USP4: variants seen among roughly 807,000 people sequenced by gnomAD.
USP4 encodes the protein ubiquitin specific peptidase 4, also known as ubiquitin carboxyl-terminal hydrolase 4.
Under a neutral mutation model 118.2 loss-of-function variants are expected in USP4, and 72 were observed. That is an observed-to-expected ratio of 0.61 (90% confidence interval 0.50 to 0.74). The LOEUF is 0.74. Ranked by LOEUF, USP4 falls within the 30% of genes least tolerant of loss-of-function variation. The probability of loss-of-function intolerance (pLI) is 0.00; values close to 1 mark genes in which losing one functional copy is unlikely to be tolerated. For synonymous variants in USP4, 415 were observed against 440.4 expected (o/e 0.94, Z 0.72); for missense variants, 1,037 against 1,185.7 (o/e 0.87, Z 1.84).
Position 49,294,402 on chromosome 3 carries a change from C to T in USP4, c.1883+5G>A, listed in dbSNP as rs2047181691. On this transcript the variant is annotated splice_donor_5th_base_variant and intron_variant, in intron 14 of 21. Transcript: ENST00000265560. ...TAACAACCAAATCACATTCCTGCCA[C>T]CAACCTGATACGATCACAAACAGCC... The T allele has an allele frequency of 6.2e-7, 1 of 1,608,642 alleles. No individual in the cohort carries two copies. The highest frequency in any genetic ancestry group is 1.3e-5 in the African/African-American group (1 of 74,780).
chr3:49,282,754 C>G (rs1183039785), intron 19 of USP4, among the ~76,000 whole-genome samples: 1 of 151,708 alleles, frequency 6.6e-6, no homozygotes. Flanking sequence ...GTTGCTGAGG[C>G]TGGAGTGCAG....
intron 6 of USP4, 46 bp from the exon 7 acceptor site, chr3:49,311,700 G>A (rs560082354): frequency 6.2e-7 from 1 of 1,607,258 alleles, no homozygotes; most frequent in South Asian, 1.1e-5. Context: ...TTTGCAAAGA[G>A]CAAGCCCTAT....
chr3:49,325,626 A>T, intron 4 of USP4, 93 bp downstream of exon 4: 1 of 1,530,812 alleles, frequency 6.5e-7, no homozygotes, highest in Non-Finnish European at 8.9e-7. Context: ...AAATCTAAAG[A>T]GGGCATATAA....
In USP4 at chr3:49,299,335, G is replaced by A. The variant is rs549980200; in HGVS notation, c.1513-700C>T. 2.8e-3 allele frequency among the ~76,000 whole-genome samples: 420 copies of A among 151,696 alleles called. 3 individuals are homozygous for A. Among genetic ancestry groups the A allele is most frequent in the African/African-American group, 9.3e-3 (386 of 41,350 alleles). On this transcript the variant is annotated intron_variant, in intron 11 of 21. Transcript: ENST00000265560. ...GAACTCCTGACCTCGTGATCTGCCC[G>A]CCTCGGCCTCCTGAAGTGCTGGGAT...
At chr3:49,323,515 G>C (rs1226563644) in intron 6 of USP4, among the ~76,000 whole-genome samples, 1 of 152,136 alleles carries the variant, frequency 6.6e-6, no homozygotes, top group Non-Finnish European at 1.5e-5. Flanking sequence ...TGGGAATTAG[G>C]ATATGGATAT....
At chr3:49,288,656 C>G (rs1377553546) in intron 15 of USP4, among the ~76,000 whole-genome samples, 1 of 151,526 alleles carries the variant, frequency 6.6e-6, no homozygotes, top group Non-Finnish European at 1.5e-5. Flanking sequence ...GCCTGGGCAA[C>G]AAGAGCAAAA....
chr3:49,290,726 G>A (rs2047142680), intron 15 of USP4, among the ~76,000 whole-genome samples: 1 of 152,178 alleles, frequency 6.6e-6, no homozygotes, highest in Admixed American at 6.5e-5. Context: ...TGTTGGCCAG[G>A]CTAGTCTCGA....
At chr3:49,337,721 G>C (rs1370707104) in intron 1 of USP4, among the ~76,000 whole-genome samples, 1 of 151,780 alleles carries the variant, frequency 6.6e-6, no homozygotes. Flanking sequence ...ACAGGCATGA[G>C]CCACTGCACC....
At chr3:49,312,748 C>G (rs766099036) in intron 6 of USP4, 4 of 260,050 alleles carry the variant, frequency 1.5e-5, no homozygotes, top group Non-Finnish European at 2.3e-5. Flanking sequence ...GAGCCGAGAT[C>G]GTGCCACTGC....
chr3:49,297,740 C>T (rs2047224500), intron 13 of USP4, 130 bp downstream of exon 13: 3 of 706,144 alleles, frequency 4.2e-6, no homozygotes, highest in Middle Eastern at 2.4e-4. Context: ...CCATCTCTTG[C>T]ACCCAGGGGT....
At chr3:49,304,832 C>T (rs1337504805) in intron 9 of USP4, among the ~76,000 whole-genome samples, 3 of 151,764 alleles carry the variant, frequency 2.0e-5, no homozygotes, top group East Asian at 3.9e-4. Context: ...GGCGTGATCT[C>T]GGCTCACTGC....
Position 49,292,554 on chromosome 3 carries a change from G to C in USP4, c.1928C>G (p.Pro643Arg). ...QPLPDEFGSS[P>R]LEPGACNGSR... Reference sequence around the variant, plus strand: ...GCCATTGCAGGCCCCTGGCTCCAAGGGTGAGCTGCCAAACTCATCAGGTAA... The same window carrying C: ...GCCATTGCAGGCCCCTGGCTCCAAGCGTGAGCTGCCAAACTCATCAGGTAA... The change falls in exon 15 of 22, where the codon CCC (proline) becomes CGC (arginine). Residue 643 changes from proline to arginine, a missense_variant. By Grantham distance (103) the Pro-to-Arg change is moderately radical (BLOSUM62 -2). This residue lies in a region of USP4 where 522 missense variants were observed against 592.6 expected (regional missense o/e 0.88). Transcript: ENST00000265560. 3 of 1,601,266 alleles carry C rather than the reference G, an allele frequency of 1.9e-6. No individual in the cohort carries two copies. Among genetic ancestry groups the C allele is most frequent in the Admixed American group, 1.7e-5 (1 of 58,648 alleles).
chr3:49,297,918 T>C lies in USP4; in HGVS notation c.1643A>G (p.Gln548Arg), dbSNP rs1190084158. 7 of 1,614,138 alleles carry C rather than the reference T, an allele frequency of 4.3e-6. No individual in the cohort carries two copies. The highest frequency in any genetic ancestry group is 5.1e-6 in the Non-Finnish European group (6 of 1,179,996). ...VYNHRFHKIF[Q>R]MDEGLNHIMP... The stretch of plus-strand genomic sequence containing the variant: ...GATGTGGTTTAAACCTTCATCCATT[T>C]GGAAAATTTTGTGGAATCGGTGATT... The change falls in exon 13 of 22, where the codon CAA (glutamine) becomes CGA (arginine). Residue 548 changes from glutamine (Q) to arginine (R), a missense_variant. Physicochemically the swap from Gln to Arg is conservative, Grantham distance 43. Coordinates refer to ENST00000265560, the MANE Select transcript of USP4 (RefSeq NM_003363.4).
At chr3:49,321,451 T>C (rs1206438014) in intron 6 of USP4, among the ~76,000 whole-genome samples, 5 of 152,128 alleles carry the variant, frequency 3.3e-5, no homozygotes, top group African/African-American at 1.2e-4. Context: ...TACTAGTTGC[T>C]TTCTTAAACC....
chr3:49,331,937 A>C, intron 2 of USP4, among the ~76,000 whole-genome samples: 1 of 149,540 alleles, frequency 6.7e-6, no homozygotes, highest in East Asian at 2.0e-4. Flanking sequence ...GTTGGAGACC[A>C]GCCCGGGCAA....
intron 15 of USP4, among the ~76,000 whole-genome samples, chr3:49,287,821 GA>G (rs1217294264): frequency 2.0e-5 from 3 of 152,090 alleles, no homozygotes; most frequent in South Asian, 4.2e-4. Flanking sequence ...CGTTCCTCCA[GA>G]AAAAAACCTA....
chr3:49,299,655 G>A (rs1246046381), intron 11 of USP4, among the ~76,000 whole-genome samples: 1 of 152,080 alleles, frequency 6.6e-6, no homozygotes, highest in African/African-American at 2.4e-5. Flanking sequence ...GCCTCCCAAA[G>A]TGCTGGGATT....
At chr3:49,325,900 G>A (rs1244806760) in intron 3 of USP4, 55 bp from the exon 4 acceptor site, 2 of 1,599,542 alleles carry the variant, frequency 1.3e-6, no homozygotes, top group East Asian at 4.5e-5. Flanking sequence ...GGGCAGTCTT[G>A]GATGTAGCAT....
At position 49,298,613 on chromosome 3, in the gene USP4, A is replaced by G; in HGVS notation, c.1535T>C (p.Met512Thr). The G allele has an allele frequency of 6.2e-7, 1 of 1,614,154 alleles. No individual in the cohort carries two copies. Among genetic ancestry groups the G allele is most frequent in the Non-Finnish European group, 8.5e-7 (1 of 1,180,010 alleles). ...CTCGCACAGGTCGGACACAGCCCCC[A>G]TCAGCGGCACAGTCACACGGTACTG... ...PTQYRVTVPL[M>T]GAVSDLCEAL... Residue 512 changes from methionine (M) to threonine (T), a missense_variant, in exon 12 of 22, where the codon ATG (methionine) becomes ACG (threonine). Transcript: ENST00000265560.
Sources: gnomAD v4.1 joint callset for allele counts (sites outside exome capture counted in the v4.1 genomes callset) on GRCh38, gnomAD v4.1.1 for gene constraint, gnomAD v4.1.1 regional missense constraint, MANE v1.5 for transcripts, NCBI Gene and HGNC (gene_info 2026-07-23, HGNC 2026-07-21) for gene names.